ZFYVE16: variants seen among roughly 807,000 people sequenced by gnomAD.
The protein encoded by ZFYVE16 is zinc finger FYVE domain-containing protein 16.
A neutral mutation model predicts 138.1 loss-of-function variants in ZFYVE16; 89 were observed. The observed-to-expected ratio is 0.64, with a 90% CI of 0.54 to 0.77. The LOEUF is 0.77. Ranked by LOEUF, ZFYVE16 falls within the 30% of genes least tolerant of loss-of-function variation. The probability of loss-of-function intolerance (pLI) is 0.00; values close to 1 mark genes in which losing one functional copy is unlikely to be tolerated. For synonymous variants in ZFYVE16, 596 were observed against 618.3 expected (o/e 0.96, Z 0.53); for missense variants, 1,793 against 1,786.7 (o/e 1.00, Z -0.06).
intron 1 of ZFYVE16, among the ~76,000 whole-genome samples, chr5:80,420,001 G>A (rs574112521): frequency 2.0e-5 from 3 of 148,386 alleles, no homozygotes; most frequent in East Asian, 2.1e-4. Context: ...TAGTAGAGAC[G>A]GGGTTTCACC....
chr5:80,439,094 A>G, intron 4 of ZFYVE16, 87 bp downstream of exon 4: 1 of 1,302,134 alleles, frequency 7.7e-7, no homozygotes, highest in Non-Finnish European at 1.0e-6. Flanking sequence ...ATGAACAGAT[A>G]ATTACAAGAT....
In ZFYVE16 at chr5:80,419,513, C is replaced by T. The variant is rs1746766086; in HGVS notation, c.-93-7979C>T. On this transcript the variant is annotated intron_variant, in intron 1 of 18. Transcript: ENST00000505560. Reference sequence around the variant, plus strand: ...GTCCTCCAACTTTGTTCTCCAGTATCACTTTAGCTATTCTAGATTCTTTGT... The same window carrying T: ...GTCCTCCAACTTTGTTCTCCAGTATTACTTTAGCTATTCTAGATTCTTTGT... Among the ~76,000 whole-genome samples the T allele has an allele frequency of 2.0e-5, 3 of 152,260 alleles. 1 individual carries two copies. The South Asian group carries it at 6.2e-4, about 32-fold the overall frequency.
Position 80,469,409 on chromosome 5 carries a change from T to TA in ZFYVE16, c.4025-3340dup, listed in dbSNP as rs928952315. Among the ~76,000 whole-genome samples, 1,085 of 147,102 alleles carry TA rather than the reference T, an allele frequency of 7.4e-3. 13 individuals are homozygous for TA. Among genetic ancestry groups the TA allele is most frequent in the African/African-American group, 0.024 (969 of 40,242 alleles). On this transcript the variant is annotated intron_variant, in intron 15 of 18. Coordinates refer to ENST00000505560, the MANE Select transcript of ZFYVE16 (RefSeq NM_001284236.3). ...GCACATGCCACCATGCTTGGCTAAT[T>TA]AAAAAAAAAAAATTGTAAAGATGAG...
At chr5:80,455,223 A>G (rs1445584120) in intron 11 of ZFYVE16, 1 of 176,284 alleles carries the variant, frequency 5.7e-6, no homozygotes, top group African/African-American at 2.4e-5. Flanking sequence ...AGATACATAG[A>G]TACACAGTAA....
rs780834272 is a variant in ZFYVE16, at chr5:80,473,767, G to A, written c.4201G>A (p.Val1401Met). Residue 1401 changes from valine to methionine, a missense_variant, in exon 17 of 19, where the codon GTG becomes ATG. This residue lies in a region of ZFYVE16 where 498 missense variants were observed against 582.4 expected (regional missense o/e 0.86). Transcript: ENST00000505560. ...TTTATTTCATAGAGTTATCAGTTCAGTGGATGGAATATCATTACAAGGATT... is the reference window on the plus strand; with the variant it reads ...TTTATTTCATAGAGTTATCAGTTCAATGGATGGAATATCATTACAAGGATT... ...EKGNKGVISS[V>M]DGISLQGFPS... 2.5e-6 allele frequency: 4 copies of A among 1,610,754 alleles called. No homozygotes were observed. In the South Asian group the frequency reaches 4.4e-5, roughly 18 times the overall value.
At chr5:80,443,849 C>G (rs1338730797) in intron 6 of ZFYVE16, 2 of 456,248 alleles carry the variant, frequency 4.4e-6, no homozygotes, top group South Asian at 3.1e-5. Context: ...CTGGGAATTG[C>G]ACTTTCCAGA....
chr5:80,439,626 A>G (rs908751983), intron 4 of ZFYVE16, among the ~76,000 whole-genome samples: 1 of 152,180 alleles, frequency 6.6e-6, no homozygotes, highest in African/African-American at 2.4e-5. Flanking sequence ...TTTTAAATGA[A>G]GAACTACAGA....
chr5:80,465,463 G>A (rs536239301), intron 15 of ZFYVE16, among the ~76,000 whole-genome samples: 1 of 125,968 alleles, frequency 7.9e-6, no homozygotes, highest in Non-Finnish European at 1.6e-5. Context: ...CTGGAGTGCA[G>A]TGGCATAATC....
At chr5:80,455,268 T>G (rs1752404030) in intron 11 of ZFYVE16, 1 of 202,836 alleles carries the variant, frequency 4.9e-6, no homozygotes. Context: ...GTGTGGTGGC[T>G]CATGCCTGTA....
intron 1 of ZFYVE16, among the ~76,000 whole-genome samples, chr5:80,421,732 G>A (rs1363643689): frequency 6.6e-6 from 1 of 152,164 alleles, no homozygotes; most frequent in Non-Finnish European, 1.5e-5. Context: ...GTAGCGTGAT[G>A]CCTCCAGCTT....
At chr5:80,423,174 C>T (rs1349276228) in intron 1 of ZFYVE16, among the ~76,000 whole-genome samples, 7 of 151,820 alleles carry the variant, frequency 4.6e-5, no homozygotes, top group African/African-American at 7.3e-5. Context: ...TTTTATGGAA[C>T]GTTATTAATT....
At chr5:80,465,085 C>T (rs991530394) in intron 15 of ZFYVE16, among the ~76,000 whole-genome samples, 1 of 152,030 alleles carries the variant, frequency 6.6e-6, no homozygotes, top group African/African-American at 2.4e-5. Flanking sequence ...ACCCAAAATA[C>T]ATTTATGTTC....
In ZFYVE16 at chr5:80,455,684, A is replaced by ATAT. The variant is rs748824097; in HGVS notation, c.3608-7_3608-6insATT. 20 of 1,605,866 alleles carry ATAT rather than the reference A, an allele frequency of 1.2e-5. No homozygotes were observed. In the African/African-American group the frequency reaches 2.3e-4, roughly 18 times the overall value. ...TGATAGTAACCAGTTTTCCTTTCTT[A>ATAT]TGTATAGCATATCCTGCTCCTCTAA... On this transcript the variant is annotated splice_region_variant and splice_polypyrimidine_tract_variant and intron_variant, in intron 11 of 18. Transcript: ENST00000505560.
chr5:80,422,876 A>G (rs1413175518), intron 1 of ZFYVE16, among the ~76,000 whole-genome samples: 1 of 152,202 alleles, frequency 6.6e-6, no homozygotes, highest in Non-Finnish European at 1.5e-5. Flanking sequence ...TGGATAAATC[A>G]TATTGGTCAT....
chr5:80,465,422 T>G (rs1275338380), intron 15 of ZFYVE16, among the ~76,000 whole-genome samples: 4 of 136,930 alleles, frequency 2.9e-5, no homozygotes, highest in East Asian at 4.2e-4. Flanking sequence ...TTTTTTTTTT[T>G]TTGAGACAGG....
chr5:80,441,447 G>A (rs1393109034), intron 5 of ZFYVE16: 1 of 985,092 alleles, frequency 1.0e-6, no homozygotes, highest in Non-Finnish European at 1.2e-6. Context: ...TTCATTTATG[G>A]TGCTATTTGT....
chr5:80,467,178 A>C lies in ZFYVE16; in HGVS notation c.4025-5583A>C, dbSNP rs1379510114. 2.0e-5 allele frequency among the ~76,000 whole-genome samples: 3 copies of C among 152,254 alleles called. No individual in the cohort carries two copies. The East Asian group carries it at 5.8e-4, about 29-fold the overall frequency. On this transcript the variant is annotated intron_variant, in intron 15 of 18. Coordinates refer to ENST00000505560, the MANE Select transcript of ZFYVE16 (RefSeq NM_001284236.3). ...ATGATTATGCATACAGCAAGTATTT[A>C]ACCAGCCTCTAGCTATGGAATACAA...
chr5:80,430,650 G>C (rs1580170905), intron 2 of ZFYVE16, among the ~76,000 whole-genome samples: 1 of 152,076 alleles, frequency 6.6e-6, no homozygotes. Flanking sequence ...GAATCCAGGA[G>C]CTGGTTTTTT....
At chr5:80,429,452 A>C (rs1442138350) in intron 2 of ZFYVE16, among the ~76,000 whole-genome samples, 1 of 152,250 alleles carries the variant, frequency 6.6e-6, no homozygotes. Context: ...TGAAGGGAGC[A>C]CTAAACATGG....
Sources: allele counts gnomAD v4.1 joint callset (sites outside exome capture counted in the v4.1 genomes callset), GRCh38; gene constraint gnomAD v4.1.1; regional missense constraint gnomAD v4.1.1; transcripts MANE v1.5; gene names NCBI Gene and HGNC (gene_info 2026-07-23, HGNC 2026-07-21).